The following KLF8 variants were observed in gnomAD, a reference collection of about 807,000 sequenced individuals.
The protein encoded by KLF8 is Krueppel-like factor 8.
Under a neutral mutation model 18.2 loss-of-function variants are expected in KLF8, and 10 were observed. The ratio of observed to expected loss-of-function variants is 0.55; its 90% CI spans 0.34 to 0.93. The LOEUF (loss-of-function observed/expected upper bound fraction) is 0.93. KLF8 is among the 40% of genes least tolerant of loss of function. KLF8 has a pLI of 0.02. For missense variants in KLF8, 264 were observed against 277.9 expected (o/e 0.95, Z 0.36); for synonymous variants, 109 against 97.3 (o/e 1.12, Z -0.71).
the KLF8 span, among the ~76,000 whole-genome samples, chrX:56,039,077 T>G: frequency 2.7e-5 from 3 of 112,110 alleles, no homozygotes; most frequent in Non-Finnish European, 5.6e-5. Context: ...TCTTGTAAAT[T>G]TGTTTAATAT....
the KLF8 span, among the ~76,000 whole-genome samples, chrX:56,026,888 A>T: frequency 8.9e-6 from 1 of 112,584 alleles, no homozygotes; most frequent in Non-Finnish European, 1.9e-5. Context: ...CCACTTGAAG[A>T]TCTTCAAAAG....
the KLF8 span, among the ~76,000 whole-genome samples, chrX:56,080,487 T>C: frequency 2.7e-5 from 3 of 111,581 alleles, 1 homozygote; most frequent in African/African-American, 6.6e-5. Flanking sequence ...CCCATTCTCT[T>C]CTGGCTTCTA....
At position 56,291,011 on chromosome X, in the gene KLF8, C is replaced by T. The variant is rs2067317407; in HGVS notation, c.*6517C>T. On this transcript the variant is annotated 3_prime_UTR_variant, in exon 6 of 6. Coordinates refer to ENST00000468660, the MANE Select transcript of KLF8 (RefSeq NM_007250.5). ...ATGCCATGCTGTTTTCATTGTATCA[C>T]AGAATTAAAAGGGGAAGAGAGTTCC... Among the ~76,000 whole-genome samples, 1 of 110,974 alleles carries T rather than the reference C, an allele frequency of 9.0e-6. No homozygotes were observed. The highest frequency in any genetic ancestry group is 3.9e-4 in the South Asian group (1 of 2,597).
At chrX:56,126,085 T>C in the KLF8 span, among the ~76,000 whole-genome samples, 1 of 111,726 alleles carries the variant, frequency 9.0e-6, no homozygotes, top group Admixed American at 9.5e-5. Flanking sequence ...GAACTGCTTA[T>C]CTTCATCCAT....
chrX:56,138,990 G>A, the KLF8 span, among the ~76,000 whole-genome samples: 1 of 110,940 alleles, frequency 9.0e-6, no homozygotes, highest in African/African-American at 3.3e-5. Flanking sequence ...CAAAATCAGT[G>A]TACAACAGCA....
chrX:56,043,851 G>T, the KLF8 span, among the ~76,000 whole-genome samples: 2 of 112,429 alleles, frequency 1.8e-5, no homozygotes, highest in Non-Finnish European at 3.8e-5. Context: ...TTGCTGGAGA[G>T]GTGTTGCAGT....
the KLF8 span, among the ~76,000 whole-genome samples, chrX:56,107,005 G>T: frequency 3.6e-5 from 4 of 111,877 alleles, no homozygotes; most frequent in Non-Finnish European, 7.5e-5. Flanking sequence ...TTTGCTGGAG[G>T]ATGACTCCAG....
At chrX:56,062,414 A>G in the KLF8 span, among the ~76,000 whole-genome samples, 62 of 111,658 alleles carry the variant, frequency 5.6e-4, no homozygotes, top group Admixed American at 5.5e-3. Flanking sequence ...GCTTGTCCAT[A>G]AAGGATTTTA....
At chrX:56,024,211 C>CT in the KLF8 span, among the ~76,000 whole-genome samples, 327 of 94,233 alleles carry the variant, frequency 3.5e-3, no homozygotes, top group East Asian at 8.4e-3. Flanking sequence ...TTTTTAATTT[C>CT]TTTTTTTTTT....
chrX:56,286,151 A>G lies in KLF8; in HGVS notation c.*1657A>G, dbSNP rs1362139912. 1 of 110,214 alleles carries G rather than the reference A, an allele frequency of 9.1e-6. No individual in the cohort carries two copies. Among genetic ancestry groups the G allele is most frequent in the African/African-American group, 3.3e-5 (1 of 30,281 alleles). 9.1% of individuals were successfully genotyped at this position (110,214 alleles called of 1,213,427 possible). A position where few individuals can be genotyped will look rare whatever the true frequency, so the allele number is the denominator to read the frequency against. On this transcript the variant is annotated 3_prime_UTR_variant, in exon 6 of 6. Coordinates refer to ENST00000468660, the MANE Select transcript of KLF8 (RefSeq NM_007250.5). ...CGCTTATTCTCCTGGGGATCACATA[A>G]TTTTATTTATTTATTTTTTGAGAGA... is the stretch of plus-strand genomic sequence containing the variant.
rs1457855365 is a variant in KLF8, at chrX:56,289,109, T to G, written c.*4615T>G. ...CCATTTATTTATTTATACAATACTT[T>G]ATTTATATCAGCATGGACTCATGGG... On this transcript the variant is annotated 3_prime_UTR_variant, in exon 6 of 6. Transcript: ENST00000468660. Among the ~76,000 whole-genome samples the G allele has an allele frequency of 2.7e-5, 3 of 112,438 alleles. No individual in the cohort carries two copies. Among genetic ancestry groups the G allele is most frequent in the Non-Finnish European group, 5.6e-5 (3 of 53,334 alleles).
At chrX:56,241,325 C>G (rs1480956626) in intron 1 of KLF8, among the ~76,000 whole-genome samples, 1 of 111,402 alleles carries the variant, frequency 9.0e-6, no homozygotes, top group Non-Finnish European at 1.9e-5. Context: ...GCCACCACAC[C>G]TGGCTAATTT....
At chrX:56,115,743 C>A in the KLF8 span, among the ~76,000 whole-genome samples, 2 of 112,059 alleles carry the variant, frequency 1.8e-5, no homozygotes, top group African/African-American at 6.5e-5. Context: ...TTAGCAAGTA[C>A]TTACCTTGTG....
intron 1 of KLF8, among the ~76,000 whole-genome samples, chrX:56,245,311 G>A (rs2066608285): frequency 9.0e-6 from 1 of 111,717 alleles, no homozygotes; most frequent in Non-Finnish European, 1.9e-5. Flanking sequence ...GTTGGCCAAA[G>A]GATGGGATGT....
chrX:56,265,353 A>G lies in KLF8; in HGVS notation c.255A>G (p.Glu85=). 1 of 1,209,816 alleles carries G rather than the reference A, an allele frequency of 8.3e-7. No individual in the cohort carries two copies. The highest frequency in any genetic ancestry group is 1.1e-6 in the Non-Finnish European group (1 of 894,668). ...GTGATTTCAGCCTGCCCCAAGTGGA[A>G]CCAGTTGACCTCTCCTTTCACAAGC... The part of the protein sequence containing the change: ...LASDFSLPQV[E]PVDLSFHKPK... The change falls in exon 3 of 6, where the codon GAA becomes GAG. Residue 85 remains glutamate (E), a synonymous_variant. Coordinates refer to ENST00000468660, the MANE Select transcript of KLF8 (RefSeq NM_007250.5).
At chrX:56,021,978 C>T in the KLF8 span, among the ~76,000 whole-genome samples, 3 of 107,022 alleles carry the variant, frequency 2.8e-5, no homozygotes, top group East Asian at 2.9e-4. Context: ...AAAAAAAATG[C>T]GTCTTGGAAA....
At chrX:55,945,483 G>A in the KLF8 span, among the ~76,000 whole-genome samples, 36 of 109,226 alleles carry the variant, frequency 3.3e-4, no homozygotes, top group Non-Finnish European at 1.5e-4. Context: ...TTTGTAGGTC[G>A]TATCTCAAAA....
chrX:56,116,664 TATAG>T, the KLF8 span, among the ~76,000 whole-genome samples: 1 of 89,450 alleles, frequency 1.1e-5, no homozygotes, highest in Non-Finnish European at 2.2e-5. Context: ...TATATATATA[TATAG>T]TGAAATGATT....
At chrX:56,217,800 C>T in the KLF8 span, among the ~76,000 whole-genome samples, 2 of 111,211 alleles carry the variant, frequency 1.8e-5, no homozygotes, top group African/African-American at 6.5e-5. Context: ...ACAGGCAGAA[C>T]GCTGAAATGG....
Sources: allele counts gnomAD v4.1 joint callset (sites outside exome capture counted in the v4.1 genomes callset), GRCh38; gene constraint gnomAD v4.1.1; transcripts MANE v1.5; gene names NCBI Gene and HGNC (gene_info 2026-07-23, HGNC 2026-07-21).